ARHGEF33: variants seen among roughly 807,000 people sequenced by gnomAD.
The protein encoded by ARHGEF33 is Rho guanine nucleotide exchange factor 33.
In ARHGEF33, 72 loss-of-function variants were observed where a neutral mutation model predicts 101.9. The observed-to-expected ratio is 0.71, with a 90% CI of 0.58 to 0.86. The LOEUF is 0.86. Ranked by LOEUF, ARHGEF33 falls within the 40% of genes least tolerant of loss-of-function variation. The pLI is 0.00. For synonymous variants in ARHGEF33, 499 were observed against 442.5 expected (o/e 1.13, Z -1.60); for missense variants, 1,169 against 1,111.3 (o/e 1.05, Z -0.74).
chr2:38,903,665 A>AAT (rs1294930700), intron 2 of ARHGEF33, among the ~76,000 whole-genome samples: 3 of 152,192 alleles, frequency 2.0e-5, no homozygotes, highest in Non-Finnish European at 2.9e-5. Flanking sequence ...ACTAGAATCT[A>AAT]ATATATATAA....
intron 15 of ARHGEF33, 116 bp from the exon 16 acceptor site, chr2:38,959,725 G>A: frequency 8.6e-7 from 1 of 1,162,172 alleles, no homozygotes; most frequent in Non-Finnish European, 1.2e-6. Context: ...TGTGGAGCTC[G>A]GGAGGTGGCA....
At chr2:38,937,796 C>T (rs1396429499) in intron 9 of ARHGEF33, among the ~76,000 whole-genome samples, 1 of 152,138 alleles carries the variant, frequency 6.6e-6, no homozygotes, top group African/African-American at 2.4e-5. Context: ...TAATGGAGTG[C>T]TGTGGGCGGG....
chr2:38,930,315 C>T (rs1182619797), intron 6 of ARHGEF33, among the ~76,000 whole-genome samples: 1 of 151,350 alleles, frequency 6.6e-6, no homozygotes, highest in Non-Finnish European at 1.5e-5. Flanking sequence ...ATCTTTATTG[C>T]TACTTATTTG....
chr2:38,960,496 A>G lies in ARHGEF33; in HGVS notation c.2191A>G (p.Ser731Gly). ...VAPRLYSTRS[S>G]SGGRAPIKAE... The stretch of plus-strand genomic sequence containing the variant: ...CCCACGCCTCTACAGCACGCGCAGC[A>G]GCAGCGGCGGCCGCGCGCCCATCAA... Residue 731 changes from serine (S) to glycine (G), a missense_variant, in exon 16 of 18, where the codon AGC becomes GGC. Physicochemically the swap from Ser to Gly is moderately conservative, Grantham distance 56. Transcript: ENST00000409978. The G allele has an allele frequency of 7.3e-7, 1 of 1,363,516 alleles. No homozygotes were observed. Among genetic ancestry groups the G allele is most frequent in the Non-Finnish European group, 9.4e-7 (1 of 1,058,884 alleles). 84.5% of individuals were successfully genotyped at this position (1,363,516 alleles called of 1,614,324 possible).
intron 10 of ARHGEF33, among the ~76,000 whole-genome samples, chr2:38,949,073 C>A (rs1667524474): frequency 6.6e-6 from 1 of 152,008 alleles, no homozygotes; most frequent in Non-Finnish European, 1.5e-5. Context: ...GGCTAGGTAC[C>A]CTATTCTCGT....
At chr2:38,897,925 G>A (rs1373314806) in intron 2 of ARHGEF33, among the ~76,000 whole-genome samples, 8 of 152,196 alleles carry the variant, frequency 5.3e-5, no homozygotes, top group Non-Finnish European at 1.0e-4. Flanking sequence ...CTTCGTGATA[G>A]AAGCCCAGTA....
intron 4 of ARHGEF33, among the ~76,000 whole-genome samples, chr2:38,928,599 A>C (rs1349356409): frequency 6.6e-6 from 1 of 152,248 alleles, no homozygotes; most frequent in Non-Finnish European, 1.5e-5. Flanking sequence ...CTTTTCAAGC[A>C]AATCTCATTT....
chr2:38,939,381 A>G (rs1009012435), intron 9 of ARHGEF33, among the ~76,000 whole-genome samples: 2 of 152,154 alleles, frequency 1.3e-5, no homozygotes, highest in Non-Finnish European at 2.9e-5. Context: ...GGTTATGATT[A>G]TGTTTAACTT....
At chr2:38,945,618 A>T (rs770456966) in intron 10 of ARHGEF33, among the ~76,000 whole-genome samples, 12 of 152,246 alleles carry the variant, frequency 7.9e-5, no homozygotes, top group African/African-American at 2.6e-4. Context: ...GTTGCCAAAG[A>T]CCTACTCAGT....
chr2:38,917,920 A>G (rs941107913), intron 2 of ARHGEF33, among the ~76,000 whole-genome samples: 1 of 151,980 alleles, frequency 6.6e-6, no homozygotes. Flanking sequence ...TTTTGTCACT[A>G]TAGATTAGAT....
intron 2 of ARHGEF33, among the ~76,000 whole-genome samples, chr2:38,896,522 T>C (rs1666126437): frequency 6.6e-6 from 1 of 152,230 alleles, no homozygotes; most frequent in Admixed American, 6.5e-5. Flanking sequence ...TGAAGTTATG[T>C]ATTCTGAGTT....
chr2:38,954,714 A>G (rs866731979), intron 13 of ARHGEF33, among the ~76,000 whole-genome samples: 6 of 149,854 alleles, frequency 4.0e-5, no homozygotes, highest in African/African-American at 1.2e-4. Flanking sequence ...GCTCACTGCA[A>G]CCTCTGCCTC....
intron 4 of ARHGEF33, among the ~76,000 whole-genome samples, chr2:38,924,929 T>C (rs1666839478): frequency 6.6e-6 from 1 of 152,114 alleles, no homozygotes; most frequent in South Asian, 2.1e-4. Context: ...ATTGAAAAAT[T>C]ACAAGCAACA....
chr2:38,906,713 A>T (rs113904046), intron 2 of ARHGEF33, among the ~76,000 whole-genome samples: 7,344 of 151,706 alleles, frequency 0.048, 215 homozygotes, highest in Middle Eastern at 0.061. Context: ...TGCCTGTAAT[A>T]ATCCCAGGAT....
At chr2:38,924,044 A>G (rs1470353934) in intron 4 of ARHGEF33, among the ~76,000 whole-genome samples, 1 of 152,228 alleles carries the variant, frequency 6.6e-6, no homozygotes, top group East Asian at 1.9e-4. Flanking sequence ...AAGACACAAC[A>G]AATATTTCAA....
At chr2:38,934,958 C>T (rs1019810468) in intron 7 of ARHGEF33, among the ~76,000 whole-genome samples, 1 of 151,262 alleles carries the variant, frequency 6.6e-6, no homozygotes, top group Non-Finnish European at 1.5e-5. Context: ...GTCAGGGTCC[C>T]GTGAGAATAT....
At chr2:38,892,408 G>A (rs190167236) in intron 1 of ARHGEF33, among the ~76,000 whole-genome samples, 137 of 105,018 alleles carry the variant, frequency 1.3e-3, no homozygotes, top group African/African-American at 3.6e-3. Flanking sequence ...GATGCCTAAA[G>A]GTGGGTAAAC....
chr2:38,915,893 G>A (rs528215267), intron 2 of ARHGEF33, among the ~76,000 whole-genome samples: 28 of 152,110 alleles, frequency 1.8e-4, no homozygotes, highest in Non-Finnish European at 3.8e-4. Context: ...ATGAGTGCTG[G>A]CACATGCCTA....
At position 38,935,735 on chromosome 2, in the gene ARHGEF33, G is replaced by A. The variant is rs1242344940; in HGVS notation, c.506-40G>A. The A allele has an allele frequency of 2.6e-6, 4 of 1,530,944 alleles. No homozygotes were observed. The East Asian group carries it at 9.8e-5, about 38-fold the overall frequency. The allele number at this position is 1,530,944 out of a possible 1,614,324, so 94.8% of individuals were successfully genotyped here. A position where few individuals can be genotyped will look rare whatever the true frequency, so the allele number is the denominator to read the frequency against. On this transcript the variant is annotated intron_variant, in intron 7 of 17. Transcript: ENST00000409978. ...CGTGGAAGGTGCTTAGTCCATGTTA[G>A]TGGAATGAACGCTGAATGAATGCTT...
Sources: gnomAD v4.1 joint callset for allele counts (sites outside exome capture counted in the v4.1 genomes callset) on GRCh38, gnomAD v4.1.1 for gene constraint, MANE v1.5 for transcripts, NCBI Gene and HGNC (gene_info 2026-07-23, HGNC 2026-07-21) for gene names.